PACS1: variants seen among roughly 807,000 people sequenced by gnomAD.
PACS1 encodes PACS-1.
PACS1 carries 24 observed loss-of-function variants against 115.0 expected under a neutral mutation model. That is an observed-to-expected ratio of 0.21 (90% CI 0.15 to 0.29). The LOEUF is 0.29. Among genes scored for constraint, PACS1 ranks in the 10% least tolerant of loss-of-function variants. The pLI, the probability that PACS1 is intolerant of heterozygous loss-of-function variation, is 1.00. For missense variants in PACS1, 838 were observed against 1,251.2 expected (o/e 0.67, Z 4.98); for synonymous variants, 453 against 504.5 (o/e 0.90, Z 1.37).
intron 1 of PACS1, among the ~76,000 whole-genome samples, chr11:66,185,665 G>C (rs886375579): frequency 2.6e-5 from 4 of 152,144 alleles, no homozygotes; most frequent in South Asian, 2.1e-4. Context: ...TAGCTAGAGA[G>C]CAGAAAGTAG....
intron 4 of PACS1, among the ~76,000 whole-genome samples, chr11:66,215,910 A>G (rs1443316345): frequency 7.9e-6 from 1 of 126,460 alleles, no homozygotes; most frequent in Non-Finnish European, 1.8e-5. Flanking sequence ...AAAAATAATA[A>G]TAATAATAAT....
chr11:66,084,775 A>G (rs1335819772), intron 1 of PACS1, among the ~76,000 whole-genome samples: 2 of 152,180 alleles, frequency 1.3e-5, no homozygotes, highest in Non-Finnish European at 2.9e-5. Context: ...TATCTTAGCG[A>G]CTTTCTGTGA....
intron 1 of PACS1, among the ~76,000 whole-genome samples, chr11:66,106,747 G>A (rs907114159): frequency 2.0e-5 from 3 of 151,276 alleles, no homozygotes; most frequent in Non-Finnish European, 4.4e-5. Context: ...ATGACAAAGC[G>A]AGACCCTGTC....
intron 1 of PACS1, among the ~76,000 whole-genome samples, chr11:66,164,080 T>A (rs1859545987): frequency 6.6e-6 from 1 of 152,036 alleles, no homozygotes; most frequent in South Asian, 2.1e-4. Context: ...GGAAAAAGAG[T>A]GAAATCACAA....
At chr11:66,214,656 C>T (rs1302065889) in intron 4 of PACS1, among the ~76,000 whole-genome samples, 2 of 123,654 alleles carry the variant, frequency 1.6e-5, no homozygotes, top group South Asian at 5.4e-4. Flanking sequence ...GAGTCTCACT[C>T]TGTCACCCAG....
chr11:66,158,548 A>G (rs1859413436), intron 1 of PACS1, among the ~76,000 whole-genome samples: 2 of 152,174 alleles, frequency 1.3e-5, no homozygotes, highest in South Asian at 4.1e-4. Context: ...AAAAACAGAA[A>G]AAACTAACTG....
intron 21 of PACS1, among the ~76,000 whole-genome samples, chr11:66,240,091 C>T (rs1458875024): frequency 6.6e-6 from 1 of 152,220 alleles, no homozygotes; most frequent in Non-Finnish European, 1.5e-5. Context: ...CAATCCACGT[C>T]TCTAAAAAAG....
chr11:66,193,808 T>C (rs1224975689), intron 2 of PACS1, among the ~76,000 whole-genome samples: 1 of 152,212 alleles, frequency 6.6e-6, no homozygotes, highest in Non-Finnish European at 1.5e-5. Context: ...GAAATGGTTT[T>C]TCCTACACAT....
At chr11:66,078,250 GA>G (rs1857427872) in intron 1 of PACS1, among the ~76,000 whole-genome samples, 1 of 152,186 alleles carries the variant, frequency 6.6e-6, no homozygotes, top group Non-Finnish European at 1.5e-5. Flanking sequence ...ATGCGTCTTA[GA>G]AATTGTGATG....
At chr11:66,075,695 A>G (rs1205297702) in intron 1 of PACS1, among the ~76,000 whole-genome samples, 1 of 152,152 alleles carries the variant, frequency 6.6e-6, no homozygotes, top group African/African-American at 2.4e-5. Context: ...TCAAATAAGA[A>G]AGACCTGATG....
At chr11:66,186,917 T>G (rs575764035) in intron 1 of PACS1, among the ~76,000 whole-genome samples, 19 of 152,340 alleles carry the variant, frequency 1.2e-4, no homozygotes, top group African/African-American at 4.3e-4. Flanking sequence ...TGCCTCCACC[T>G]GCCTTGGTCA....
chr11:66,137,779 A>C (rs1465524834), intron 1 of PACS1, among the ~76,000 whole-genome samples: 1 of 152,250 alleles, frequency 6.6e-6, no homozygotes, highest in Non-Finnish European at 1.5e-5. Flanking sequence ...GATAGGTTAA[A>C]AAGTGCTTAG....
chr11:66,204,061 G>A (rs984684871), intron 2 of PACS1, among the ~76,000 whole-genome samples: 3 of 152,136 alleles, frequency 2.0e-5, no homozygotes, highest in Admixed American at 6.5e-5. Context: ...ATCACATCAA[G>A]TTAAAAAGCT....
chr11:66,191,348 A>T (rs999186758), intron 1 of PACS1, among the ~76,000 whole-genome samples: 1 of 152,092 alleles, frequency 6.6e-6, no homozygotes, highest in Admixed American at 6.6e-5. Flanking sequence ...ACTTAATCAC[A>T]TCTGCACAGT....
rs546339313 is a variant in PACS1 at position 66,133,736 on chromosome 11, C to G, written c.357-59750C>G. Among the ~76,000 whole-genome samples, 3 of 152,268 alleles carry G rather than the reference C, an allele frequency of 2.0e-5. No individual in the cohort carries two copies. In the East Asian group the frequency reaches 5.8e-4, roughly 29 times the overall value. ...GTCAGACTGGTCTGAAACTTCTGGC[C>G]TCAAGCGATCCTCCTATCTCAACCC... On this transcript the variant is annotated intron_variant, in intron 1 of 23. Coordinates refer to ENST00000320580, the MANE Select transcript of PACS1 (RefSeq NM_018026.4).
chr11:66,184,520 A>C (rs1382868637), intron 1 of PACS1, among the ~76,000 whole-genome samples: 1 of 152,154 alleles, frequency 6.6e-6, no homozygotes, highest in African/African-American at 2.4e-5. Flanking sequence ...AGGTTTCAAA[A>C]GATTCTTGTC....
chr11:66,184,265 A>G (rs1344670001), intron 1 of PACS1, among the ~76,000 whole-genome samples: 1 of 144,674 alleles, frequency 6.9e-6, no homozygotes, highest in African/African-American at 2.6e-5. Context: ...GTGAGCCGAG[A>G]TCGCACCACT....
At chr11:66,102,210 G>A (rs1320395009) in intron 1 of PACS1, among the ~76,000 whole-genome samples, 2 of 152,114 alleles carry the variant, frequency 1.3e-5, no homozygotes, top group African/African-American at 2.4e-5. Flanking sequence ...ATGTTACAGA[G>A]GAGATCCACA....
At position 66,226,501 on chromosome 11, in the gene PACS1, C is replaced by G. The variant is rs78914602; in HGVS notation, c.1294-1003C>G. 3.9e-5 allele frequency among the ~76,000 whole-genome samples: 6 copies of G among 152,326 alleles called. No homozygotes were observed. The East Asian group carries it at 1.2e-3, about 29-fold the overall frequency. On this transcript the variant is annotated intron_variant, in intron 10 of 23. Coordinates refer to ENST00000320580, the MANE Select transcript of PACS1 (RefSeq NM_018026.4). ...GCCAGGGATGCTGCCAGACATCCCA[C>G]AGTACACAGGACAGGCCCCCACAAT... is the stretch of plus-strand genomic sequence containing the variant.
Sources: allele counts gnomAD v4.1 joint callset (sites outside exome capture counted in the v4.1 genomes callset), GRCh38; gene constraint gnomAD v4.1.1; transcripts MANE v1.5; gene names NCBI Gene and HGNC (gene_info 2026-07-23, HGNC 2026-07-21).